The following RAB38 variants were observed in gnomAD, a reference collection of about 807,000 sequenced individuals.
The protein encoded by RAB38 is ras-related protein Rab-38.
In RAB38, 15 loss-of-function variants were observed where a neutral mutation model predicts 18.4. That is an observed-to-expected ratio of 0.82 (90% CI 0.55 to 1.26). RAB38 has a LOEUF of 1.26. RAB38 is among the 50% of genes most tolerant of loss of function. RAB38 has a pLI of 0.00. For synonymous variants in RAB38, 101 were observed against 104.4 expected, an observed-to-expected ratio of 0.97 and a Z score of 0.20; for missense variants, 294 against 267.4, an observed-to-expected ratio of 1.10 and a Z score of -0.69.
chr11:88,170,873 G>A (rs202196643), intron 1 of RAB38, among the ~76,000 whole-genome samples: 2 of 150,944 alleles, frequency 1.3e-5, no homozygotes, highest in Admixed American at 1.3e-4. Flanking sequence ...AAACTGGATT[G>A]GGTTTTTTTA....
chr11:87,843,215 A>G, the RAB38 span, among the ~76,000 whole-genome samples: 2 of 152,310 alleles, frequency 1.3e-5, no homozygotes, highest in South Asian at 2.1e-4. Context: ...CAGAGGTGAG[A>G]TGAGCGTCTT....
chr11:88,084,907 C>A, the RAB38 span, among the ~76,000 whole-genome samples: 1 of 151,778 alleles, frequency 6.6e-6, no homozygotes, highest in Non-Finnish European at 1.5e-5. Context: ...TCACAGTAGG[C>A]AGATTGCATA....
the RAB38 span, among the ~76,000 whole-genome samples, chr11:87,947,293 T>G: frequency 1.3e-5 from 2 of 152,160 alleles, no homozygotes; most frequent in Non-Finnish European, 2.9e-5. Context: ...TATTAGCTCT[T>G]TGTCAGATGA....
chr11:87,932,037 C>T, the RAB38 span, among the ~76,000 whole-genome samples: 2 of 152,006 alleles, frequency 1.3e-5, no homozygotes, highest in East Asian at 2.0e-4. Flanking sequence ...TTGCTCTCTC[C>T]ATGTCCCAGT....
the RAB38 span, among the ~76,000 whole-genome samples, chr11:88,096,006 T>C: frequency 2.3e-4 from 35 of 151,928 alleles, no homozygotes; most frequent in Non-Finnish European, 4.4e-4. Context: ...CTATCTGGCA[T>C]TTCTGCTTCT....
chr11:88,032,994 T>C, the RAB38 span, among the ~76,000 whole-genome samples: 1 of 152,106 alleles, frequency 6.6e-6, no homozygotes, highest in African/African-American at 2.4e-5. Context: ...CCAACAATGA[T>C]AGACTGGATT....
the RAB38 span, among the ~76,000 whole-genome samples, chr11:87,947,290 T>C: frequency 1.1e-4 from 17 of 152,080 alleles, no homozygotes; most frequent in Admixed American, 2.6e-4. Flanking sequence ...GGATATTAGC[T>C]CTTTGTCAGA....
At chr11:87,877,218 T>G in the RAB38 span, among the ~76,000 whole-genome samples, 1 of 151,480 alleles carries the variant, frequency 6.6e-6, no homozygotes, top group Non-Finnish European at 1.5e-5. Flanking sequence ...TGTAAAGCCA[T>G]AGTGGAAAGG....
At chr11:88,129,891 T>C (rs892958861) in intron 2 of RAB38, among the ~76,000 whole-genome samples, 3 of 152,042 alleles carry the variant, frequency 2.0e-5, no homozygotes, top group Admixed American at 6.6e-5. Flanking sequence ...AAGTTCTCTA[T>C]AAAATGCATA....
chr11:88,096,499 T>TTA, the RAB38 span, among the ~76,000 whole-genome samples: 1 of 151,816 alleles, frequency 6.6e-6, no homozygotes, highest in South Asian at 2.1e-4. Context: ...ACCTAACATA[T>TTA]TATATATATA....
At chr11:87,832,380 G>A in the RAB38 span, among the ~76,000 whole-genome samples, 1 of 152,080 alleles carries the variant, frequency 6.6e-6, no homozygotes, top group African/African-American at 2.4e-5. Flanking sequence ...TCTGAAGTCC[G>A]GACCGGCTCA....
Position 88,148,731 on chromosome 11 carries a change from C to T in RAB38, c.483+944G>A, listed in dbSNP as rs570947241. Among the ~76,000 whole-genome samples, 9 of 152,256 alleles carry T rather than the reference C, an allele frequency of 5.9e-5. 1 individual carries two copies. The South Asian group carries it at 1.2e-3, about 21-fold the overall frequency. ...TTCACAGCTGAATCCCAAAAACTAG[C>T]GTAGTACCTGTGCTCTACAAACATC... On this transcript the variant is annotated intron_variant, in intron 2 of 2. Coordinates refer to ENST00000243662, the MANE Select transcript of RAB38 (RefSeq NM_022337.3).
the RAB38 span, among the ~76,000 whole-genome samples, chr11:88,047,117 G>A: frequency 9.9e-5 from 15 of 152,174 alleles, no homozygotes; most frequent in Non-Finnish European, 1.9e-4. Context: ...TACAGTTCTC[G>A]TAACTTCCAA....
At chr11:87,827,831 C>T in the RAB38 span, among the ~76,000 whole-genome samples, 1 of 152,114 alleles carries the variant, frequency 6.6e-6, no homozygotes, top group African/African-American at 2.4e-5. Flanking sequence ...TAAACTGTAC[C>T]TTACGAAATA....
chr11:87,933,500 C>A, the RAB38 span, among the ~76,000 whole-genome samples: 1 of 152,050 alleles, frequency 6.6e-6, no homozygotes, highest in Non-Finnish European at 1.5e-5. Flanking sequence ...GAAGGCACAA[C>A]CTGAAGACTT....
the RAB38 span, among the ~76,000 whole-genome samples, chr11:87,918,941 A>T: frequency 3.5e-5 from 5 of 142,826 alleles, no homozygotes; most frequent in Non-Finnish European, 7.6e-5. Flanking sequence ...AAAAAAAAAA[A>T]CATCATTGCC....
chr11:88,123,015 C>G lies in RAB38; in HGVS notation c.484-8875G>C, dbSNP rs557995138. Among the ~76,000 whole-genome samples the G allele has an allele frequency of 6.6e-5, 10 of 152,314 alleles. No individual in the cohort carries two copies. In the South Asian group the frequency reaches 2.1e-3, roughly 32 times the overall value. ...AATGAGGCCAATCGTCACTATATTT[C>G]ATGAGATTCTTGTTAAACGATATAC... On this transcript the variant is annotated intron_variant, in intron 2 of 2. Coordinates refer to ENST00000243662, the MANE Select transcript of RAB38 (RefSeq NM_022337.3).
At chr11:87,940,776 G>A in the RAB38 span, among the ~76,000 whole-genome samples, 20 of 152,000 alleles carry the variant, frequency 1.3e-4, no homozygotes, top group South Asian at 8.3e-4. Flanking sequence ...GGGATTACAG[G>A]TGCACACCAC....
chr11:87,823,660 G>A, the RAB38 span, among the ~76,000 whole-genome samples: 1 of 152,064 alleles, frequency 6.6e-6, no homozygotes, highest in African/African-American at 2.4e-5. Flanking sequence ...AATTTGGAAA[G>A]TAAAGTTTTT....
Sources: allele counts gnomAD v4.1 joint callset (sites outside exome capture counted in the v4.1 genomes callset), GRCh38; gene constraint gnomAD v4.1.1; transcripts MANE v1.5; gene names NCBI Gene and HGNC (gene_info 2026-07-23, HGNC 2026-07-21).